The following PRPF18 variants were observed in gnomAD, a reference collection of about 807,000 sequenced individuals.
PRPF18 encodes the protein pre-mRNA processing factor 18.
In PRPF18, 38 loss-of-function variants were observed where a neutral mutation model predicts 46.5. That is an observed-to-expected ratio of 0.82 (90% CI 0.63 to 1.07). The LOEUF is 1.07. Among genes scored for constraint, PRPF18 ranks in the 50% least tolerant of loss-of-function variants. The pLI is 0.00. For synonymous variants in PRPF18, 152 were observed against 146.7 expected (o/e 1.04, Z -0.26); for missense variants, 263 against 410.0 (o/e 0.64, Z 3.10).
intron 9 of PRPF18, among the ~76,000 whole-genome samples, chr10:13,626,827 G>C (rs905522939): frequency 1.3e-5 from 2 of 150,814 alleles, no homozygotes; most frequent in African/African-American, 4.9e-5. Flanking sequence ...CCCTCAAACA[G>C]TGTACACAGA....
At chr10:13,619,448 C>G (rs546748958) in intron 9 of PRPF18, among the ~76,000 whole-genome samples, 29 of 152,374 alleles carry the variant, frequency 1.9e-4, no homozygotes, top group African/African-American at 7.0e-4. Flanking sequence ...ACACCCACCT[C>G]TTGATGTCTG....
chr10:13,638,566 G>A, the PRPF18 span: 84,004 of 151,736 alleles, frequency 0.55, 23,668 homozygotes, highest in East Asian at 0.79. Flanking sequence ...AACCAAGAGA[G>A]TCAATGGTGT....
At chr10:13,647,100 C>A in the PRPF18 span, 25 of 243,552 alleles carry the variant, frequency 1.0e-4, no homozygotes, top group African/African-American at 5.8e-4. Context: ...TTCAGCCAGG[C>A]CTGCACTGAG....
intron 1 of PRPF18, chr10:13,591,700 A>AT (rs1374313899): frequency 1.3e-6 from 1 of 787,972 alleles, no homozygotes; most frequent in African/African-American, 1.8e-5. Context: ...ATGTTTTGGG[A>AT]TTTTTACATC....
At chr10:13,645,397 G>T in the PRPF18 span, 1 of 129,250 alleles carries the variant, frequency 7.7e-6, no homozygotes, top group Non-Finnish European at 1.6e-5. Context: ...CAAAAGCACA[G>T]CATACCACCT....
At chr10:13,654,371 ACT>A in the PRPF18 span, 17,371 of 1,206,790 alleles carry the variant, frequency 0.014, 826 homozygotes, top group African/African-American at 0.14. Flanking sequence ...CGTCTATGAC[ACT>A]CTTTCGAGCT....
chr10:13,644,171 A>G, the PRPF18 span: 2 of 152,392 alleles, frequency 1.3e-5, no homozygotes, highest in Non-Finnish European at 2.9e-5. Flanking sequence ...CTGGCTCACA[A>G]CATAGTCTGA....
At chr10:13,654,058 C>G in the PRPF18 span, 1 of 443,486 alleles carries the variant, frequency 2.3e-6, no homozygotes, top group East Asian at 3.7e-5. Context: ...TCTTTCTCCC[C>G]CTGACATTCT....
chr10:13,640,211 C>A, the PRPF18 span: 1 of 152,284 alleles, frequency 6.6e-6, no homozygotes, highest in African/African-American at 2.4e-5. Context: ...GGTTCCCAGC[C>A]CTAAGCGTGG....
At chr10:13,649,235 G>A in the PRPF18 span, 36 of 152,242 alleles carry the variant, frequency 2.4e-4, no homozygotes, top group African/African-American at 8.4e-4. Context: ...AGTGCACTAT[G>A]TATTGATCAT....
chr10:13,651,870 T>TG, the PRPF18 span: 2 of 1,056,206 alleles, frequency 1.9e-6, no homozygotes, highest in African/African-American at 3.1e-5. Context: ...CACAGACTCA[T>TG]GGGCAGTAGG....
At chr10:13,594,851 C>A (rs114004218) in intron 1 of PRPF18, among the ~76,000 whole-genome samples, 2 of 152,160 alleles carry the variant, frequency 1.3e-5, no homozygotes, top group African/African-American at 4.8e-5. Flanking sequence ...CTACCAAACA[C>A]CCAAATCTGA....
intron 9 of PRPF18, among the ~76,000 whole-genome samples, chr10:13,619,828 T>C (rs2080397869): frequency 6.6e-6 from 1 of 152,018 alleles, no homozygotes; most frequent in African/African-American, 2.4e-5. Context: ...TTTTTTTTAA[T>C]GAGAAGGAAA....
At chr10:13,627,275 TC>T (rs1360673089) in intron 9 of PRPF18, among the ~76,000 whole-genome samples, 1 of 152,204 alleles carries the variant, frequency 6.6e-6, no homozygotes, top group Admixed American at 6.5e-5. Flanking sequence ...TTGCCTGTCT[TC>T]CCTTACCACA....
At chr10:13,600,629 A>G (rs2502211) in intron 3 of PRPF18, among the ~76,000 whole-genome samples, 124,033 of 152,132 alleles carry the variant, frequency 0.82, 50,689 homozygotes, top group East Asian at 0.9. Context: ...CTAAATATTT[A>G]TACTTAAATT....
intron 9 of PRPF18, among the ~76,000 whole-genome samples, chr10:13,624,625 A>C (rs1221836412): frequency 1.3e-5 from 2 of 152,226 alleles, no homozygotes; most frequent in African/African-American, 4.8e-5. Context: ...AAAACAGGAA[A>C]ATTGAGTGGA....
intron 9 of PRPF18, among the ~76,000 whole-genome samples, chr10:13,628,787 T>C (rs2080548418): frequency 6.6e-6 from 1 of 152,224 alleles, no homozygotes; most frequent in Non-Finnish European, 1.5e-5. Flanking sequence ...AGTCTTTCCT[T>C]GTAAACAAGG....
At chr10:13,607,284 A>G (rs1327617591) in intron 4 of PRPF18, among the ~76,000 whole-genome samples, 1 of 151,974 alleles carries the variant, frequency 6.6e-6, no homozygotes, top group Admixed American at 6.6e-5. Context: ...TAAATGGATT[A>G]TAGGAATTCT....
At chr10:13,619,664 A>G (rs2080395829) in intron 9 of PRPF18, among the ~76,000 whole-genome samples, 2 of 152,134 alleles carry the variant, frequency 1.3e-5, no homozygotes, top group South Asian at 2.1e-4. Context: ...TAGAAGCTGC[A>G]TTTTATTTTC....
Sources: gnomAD v4.1 joint callset for allele counts (sites outside exome capture counted in the v4.1 genomes callset) on GRCh38, gnomAD v4.1.1 for gene constraint, MANE v1.5 for transcripts, NCBI Gene and HGNC (gene_info 2026-07-23, HGNC 2026-07-21) for gene names.